ADGRG4: variants seen among roughly 807,000 people sequenced by gnomAD.
ADGRG4 encodes G protein-coupled receptor 112.
ADGRG4 carries 122 observed loss-of-function variants against 126.2 expected under a neutral mutation model. The ratio of observed to expected loss-of-function variants is 0.97; its 90% CI spans 0.83 to 1.12. The LOEUF is 1.12. ADGRG4 is among the 50% of genes most tolerant of loss of function. The pLI, the probability that ADGRG4 is intolerant of heterozygous loss-of-function variation, is 0.00. For synonymous variants in ADGRG4, 943 were observed against 838.7 expected (o/e 1.12, Z -2.15); for missense variants, 2,481 against 2,251.8 (o/e 1.10, Z -2.06).
intron 5 of ADGRG4, among the ~76,000 whole-genome samples, chrX:136,336,762 A>G (rs1048822280): frequency 8.9e-6 from 1 of 112,152 alleles, no homozygotes; most frequent in Middle Eastern, 4.2e-3. Flanking sequence ...GTGAACAGCA[A>G]CATATGGGTT....
chrX:136,317,087 GA>G (rs1293999917), intron 4 of ADGRG4, among the ~76,000 whole-genome samples: 2 of 111,676 alleles, frequency 1.8e-5, no homozygotes, highest in Non-Finnish European at 3.8e-5. Flanking sequence ...AACTGTACAT[GA>G]AAATTAACTT....
chrX:136,357,717 A>G lies in ADGRG4; in HGVS notation c.6941A>G (p.Glu2314Gly), dbSNP rs1232374683. 8.4e-7 allele frequency: 1 copy of G among 1,190,318 alleles called. No individual in the cohort carries two copies. Among genetic ancestry groups the G allele is most frequent in the Non-Finnish European group, 1.1e-6 (1 of 877,288 alleles). ...VMDRAILEQR[E>G]GQEMATISYV... ...CTTTTGCATTAGTTGGAACAGAGAG[A>G]AGGACAAGAAATGGCTACAATTTCC... is the stretch of plus-strand genomic sequence containing the variant. The change falls in exon 10 of 26, where the codon GAA becomes GGA. Residue 2314 changes from glutamate (E) to glycine (G), a missense_variant. Transcript: ENST00000394143.
intron 15 of ADGRG4, among the ~76,000 whole-genome samples, chrX:136,380,820 T>G (rs1363915678): frequency 9.2e-6 from 1 of 108,670 alleles, no homozygotes; most frequent in Non-Finnish European, 1.9e-5. Context: ...CAAGCAATCC[T>G]CCCACCTCAG....
intron 5 of ADGRG4, among the ~76,000 whole-genome samples, chrX:136,330,263 TC>T (rs1016657772): frequency 3.6e-5 from 4 of 110,948 alleles, no homozygotes; most frequent in Non-Finnish European, 7.6e-5. Flanking sequence ...TCCCACCCTT[TC>T]CCCCTACGCT....
At chrX:136,382,428 C>T (rs188578262) in intron 15 of ADGRG4, among the ~76,000 whole-genome samples, 18 of 112,143 alleles carry the variant, frequency 1.6e-4, no homozygotes, top group Middle Eastern at 4.6e-3. Context: ...TTACAGTCTC[C>T]GTTTTTGTAG....
At chrX:136,391,267 G>A (rs1019146184) in intron 16 of ADGRG4, among the ~76,000 whole-genome samples, 1 of 111,088 alleles carries the variant, frequency 9.0e-6, no homozygotes, top group Non-Finnish European at 1.9e-5. Context: ...GAAGTCCTCA[G>A]AGATTTTTCT....
intron 4 of ADGRG4, among the ~76,000 whole-genome samples, chrX:136,322,277 C>G (rs1037912917): frequency 9.0e-6 from 1 of 111,680 alleles, no homozygotes; most frequent in Non-Finnish European, 1.9e-5. Context: ...GAAGCAGTCC[C>G]CAGAGACAGA....
At position 136,356,253 on chromosome X, in the gene ADGRG4, T is replaced by C. The variant is rs1395021415; in HGVS notation, c.6927+88T>C. ...AATAGCTCTTCCACCCAAGTATATA[T>C]TATCAGGCGAGGCTTTGTTGTGGCA... is the stretch of plus-strand genomic sequence containing the variant. On this transcript the variant is annotated intron_variant, in intron 9 of 25. Coordinates refer to ENST00000394143, the MANE Select transcript of ADGRG4 (RefSeq NM_153834.4). 8 of 586,079 alleles carry C rather than the reference T, an allele frequency of 1.4e-5. No homozygotes were observed. In the Admixed American group the frequency reaches 2.0e-4, roughly 15 times the overall value. 48.3% of individuals were successfully genotyped at this position (586,079 alleles called of 1,213,427 possible).
At chrX:136,317,304 T>C (rs1195039231) in intron 4 of ADGRG4, among the ~76,000 whole-genome samples, 1 of 108,454 alleles carries the variant, frequency 9.2e-6, no homozygotes, top group East Asian at 2.9e-4. Flanking sequence ...ATCGAGACCA[T>C]CCTGGCTAAC....
At chrX:136,384,699 G>A (rs2075284040) in intron 15 of ADGRG4, among the ~76,000 whole-genome samples, 1 of 111,196 alleles carries the variant, frequency 9.0e-6, no homozygotes, top group African/African-American at 3.3e-5. Flanking sequence ...TAGGATTCAG[G>A]ATTGGCAAGT....
intron 21 of ADGRG4, among the ~76,000 whole-genome samples, chrX:136,400,493 C>G (rs1410564874): frequency 8.9e-6 from 1 of 112,029 alleles, no homozygotes; most frequent in East Asian, 2.8e-4. Context: ...TGCATTTAAT[C>G]CTCATAATAT....
intron 13 of ADGRG4, among the ~76,000 whole-genome samples, chrX:136,365,447 T>C (rs1464069431): frequency 1.8e-5 from 2 of 112,248 alleles, no homozygotes; most frequent in African/African-American, 6.5e-5. Context: ...TATATAGATA[T>C]ACCACATTTT....
intron 10 of ADGRG4, among the ~76,000 whole-genome samples, chrX:136,358,607 G>C (rs985023231): frequency 8.9e-6 from 1 of 112,097 alleles, no homozygotes; most frequent in Non-Finnish European, 1.9e-5. Flanking sequence ...GTCAAGGACA[G>C]CTCTATCCTT....
chrX:136,372,060 A>T (rs2075197876), intron 14 of ADGRG4, among the ~76,000 whole-genome samples: 1 of 111,682 alleles, frequency 9.0e-6, no homozygotes, highest in Non-Finnish European at 1.9e-5. Flanking sequence ...ATGTATTCAA[A>T]TTCGAATTGA....
At position 136,403,330 on chromosome X, in the gene ADGRG4, C is replaced by G. The variant is rs2148498782; in HGVS notation, c.8654+8C>G. 1 of 1,175,518 alleles carries G rather than the reference C, an allele frequency of 8.5e-7. No homozygotes were observed. Among genetic ancestry groups the G allele is most frequent in the Non-Finnish European group, 1.2e-6 (1 of 862,954 alleles). On this transcript the variant is annotated splice_region_variant and intron_variant, in intron 22 of 25. Transcript: ENST00000394143. ...GAGCCCAACAACTCCGTTGTAAGTA[C>G]CAGCATCTCTGTTTCTCTGGTGGTG... is the stretch of plus-strand genomic sequence containing the variant.
chrX:136,311,957 A>G (rs1192225298), intron 4 of ADGRG4, among the ~76,000 whole-genome samples: 1 of 111,359 alleles, frequency 9.0e-6, no homozygotes, highest in Admixed American at 9.5e-5. Flanking sequence ...TCAGCCTCCC[A>G]AAGTGCTGGG....
At chrX:136,365,191 AG>A (rs1342785433) in intron 13 of ADGRG4, among the ~76,000 whole-genome samples, 3 of 111,818 alleles carry the variant, frequency 2.7e-5, no homozygotes, top group Non-Finnish European at 3.8e-5. Flanking sequence ...GGTTTTTAAA[AG>A]CATATTCACT....
chrX:136,380,181 AG>A (rs774672662), intron 15 of ADGRG4, among the ~76,000 whole-genome samples: 32,726 of 103,991 alleles, frequency 0.31, 4,204 homozygotes, highest in Non-Finnish European at 0.38. Flanking sequence ...AAAAAAAAAA[AG>A]CCACGAAACC....
At chrX:136,320,458 T>C (rs1182878729) in intron 4 of ADGRG4, among the ~76,000 whole-genome samples, 1 of 112,518 alleles carries the variant, frequency 8.9e-6, no homozygotes, top group African/African-American at 3.2e-5. Flanking sequence ...CTGGATATTC[T>C]GTCTTCTAAA....
Sources: allele counts gnomAD v4.1 joint callset (sites outside exome capture counted in the v4.1 genomes callset), GRCh38; gene constraint gnomAD v4.1.1; transcripts MANE v1.5; gene names NCBI Gene and HGNC (gene_info 2026-07-23, HGNC 2026-07-21).